TTC17: variants seen among roughly 807,000 people sequenced by gnomAD.
TTC17 encodes tetratricopeptide repeat protein 17.
Under a neutral mutation model 143.8 loss-of-function variants are expected in TTC17, and 58 were observed. The ratio of observed to expected loss-of-function variants is 0.40; its 90% CI spans 0.33 to 0.50. TTC17 has a LOEUF of 0.50. TTC17 is among the 20% of genes least tolerant of loss of function. The pLI, the probability that TTC17 is intolerant of heterozygous loss-of-function variation, is 0.49. For missense variants in TTC17, 1,273 were observed against 1,392.5 expected, an observed-to-expected ratio of 0.91 and a Z score of 1.37; for synonymous variants, 501 against 497.8, an observed-to-expected ratio of 1.01 and a Z score of -0.09.
intron 9 of TTC17, 38 bp from the exon 10 acceptor site, chr11:43,401,408 C>T: frequency 7.0e-7 from 1 of 1,425,450 alleles, no homozygotes. Flanking sequence ...CATTGTTGAC[C>T]TTGCTCATCA....
intron 2 of TTC17, among the ~76,000 whole-genome samples, 154 bp downstream of exon 2, chr11:43,379,476 G>A (rs548773833): frequency 6.6e-6 from 1 of 152,074 alleles, no homozygotes; most frequent in Non-Finnish European, 1.5e-5. Flanking sequence ...GTGTGTGTGT[G>A]TGTGTTTTTT....
At chr11:43,378,550 A>G (rs1034332682) in intron 1 of TTC17, among the ~76,000 whole-genome samples, 2 of 152,174 alleles carry the variant, frequency 1.3e-5, no homozygotes, top group Non-Finnish European at 2.9e-5. Context: ...TTGCCTACTT[A>G]TTGAACAATG....
intron 16 of TTC17, 106 bp downstream of exon 16, chr11:43,414,882 G>C: frequency 8.1e-7 from 1 of 1,238,950 alleles, no homozygotes; most frequent in South Asian, 1.4e-5. Flanking sequence ...AAGGATTTTA[G>C]ATAACCAGTA....
intron 20 of TTC17, 79 bp downstream of exon 20, chr11:43,450,320 T>C: frequency 7.0e-7 from 1 of 1,438,134 alleles, no homozygotes; most frequent in Non-Finnish European, 9.2e-7. Context: ...AAAGCCCAGG[T>C]GACCGGGCCT....
intron 10 of TTC17, among the ~76,000 whole-genome samples, chr11:43,402,520 A>T (rs1463946093): frequency 6.6e-6 from 1 of 152,130 alleles, no homozygotes; most frequent in African/African-American, 2.4e-5. Flanking sequence ...GATAGTATAT[A>T]ATAGATGTTG....
intron 2 of TTC17, among the ~76,000 whole-genome samples, chr11:43,388,493 A>G (rs1857252314): frequency 6.6e-6 from 1 of 151,844 alleles, no homozygotes; most frequent in African/African-American, 2.4e-5. Flanking sequence ...GAAGTTAGAG[A>G]TTTAGAAGAC....
Position 43,405,867 on chromosome 11 carries a change from A to C in TTC17, c.1677A>C (p.Lys559Asn). 6.2e-7 allele frequency: 1 copy of C among 1,614,034 alleles called. No homozygotes were observed. The highest frequency in any genetic ancestry group is 8.5e-7 in the Non-Finnish European group (1 of 1,179,936). ...ACTGTTCCATAACTGACTTCAGAAAAAGCCACACTCTGTCCTACTTAGTCA... is the reference window on the plus strand; with the variant it reads ...ACTGTTCCATAACTGACTTCAGAAACAGCCACACTCTGTCCTACTTAGTCA... ...TPDCSITDFR[K>N]SHTLSYLVKE... Residue 559 changes from lysine (K) to asparagine (N), a missense_variant, in exon 13 of 24, where the codon AAA becomes AAC. Coordinates refer to ENST00000039989, the MANE Select transcript of TTC17 (RefSeq NM_018259.6).
In TTC17 at chr11:43,407,213, A is replaced by G. The variant is rs752092095; in HGVS notation, c.1837A>G (p.Lys613Glu). 1 of 1,590,316 alleles carries G rather than the reference A, an allele frequency of 6.3e-7. No homozygotes were observed. The highest frequency in any genetic ancestry group is 8.6e-7 in the Non-Finnish European group (1 of 1,169,076). Residue 613 changes from lysine (K) to glutamate (E), a missense_variant and splice_region_variant, in exon 14 of 24, where the codon AAG (lysine) becomes GAG (glutamate). Physicochemically the swap from Lys to Glu is moderately conservative, Grantham distance 56 (BLOSUM62 1). Around this residue, in one of 3 missense-constraint regions of TTC17, gnomAD observed 878 missense variants for 899.8 expected, o/e 0.98. Transcript: ENST00000039989. ...IGSFLFHAIN[K>E]PNAPIWLILN... ...GTCTTTCTTATTTCATGCTATTAAT[A>G]AGGTGAGTCATTTACTTTAGACATC...
intron 1 of TTC17, among the ~76,000 whole-genome samples, chr11:43,375,071 A>G (rs1302758485): frequency 1.3e-5 from 2 of 152,206 alleles, no homozygotes. Context: ...ATACAGTTTG[A>G]TTCAGGACTC....
chr11:43,413,213 C>G (rs1278236204), intron 15 of TTC17, among the ~76,000 whole-genome samples: 4 of 152,080 alleles, frequency 2.6e-5, no homozygotes, highest in Non-Finnish European at 5.9e-5. Flanking sequence ...AAAGGGGTAC[C>G]TGTAGTTCAG....
At chr11:43,424,853 A>G (rs1359657604) in intron 16 of TTC17, among the ~76,000 whole-genome samples, 1 of 152,232 alleles carries the variant, frequency 6.6e-6, no homozygotes, top group Non-Finnish European at 1.5e-5. Context: ...GGCATTTCTC[A>G]GAAGGATAGT....
At chr11:43,412,369 T>A (rs1454435273) in intron 15 of TTC17, among the ~76,000 whole-genome samples, 1 of 152,066 alleles carries the variant, frequency 6.6e-6, no homozygotes, top group Non-Finnish European at 1.5e-5. Flanking sequence ...GCACCTGTAC[T>A]CCTAGCTACT....
intron 21 of TTC17, among the ~76,000 whole-genome samples, chr11:43,463,342 T>C (rs1490031491): frequency 6.6e-6 from 1 of 152,200 alleles, no homozygotes; most frequent in Non-Finnish European, 1.5e-5. Context: ...TGGAAATGGA[T>C]ATTGACCAAT....
chr11:43,396,824 A>G lies in TTC17; in HGVS notation c.773+6A>G. On this transcript the variant is annotated splice_donor_region_variant and intron_variant, in intron 6 of 23. Transcript: ENST00000039989. ...GCACTTCACTTCTCTTCCAGGTAAGATTCCTCCTCTTCTGGACCTGATTTT... is the reference window on the plus strand; with the variant it reads ...GCACTTCACTTCTCTTCCAGGTAAGGTTCCTCCTCTTCTGGACCTGATTTT... The G allele has an allele frequency of 6.4e-7, 1 of 1,568,996 alleles. No homozygotes were observed.
intron 3 of TTC17, among the ~76,000 whole-genome samples, chr11:43,391,260 G>A (rs1466870862): frequency 6.6e-6 from 1 of 152,132 alleles, no homozygotes; most frequent in Non-Finnish European, 1.5e-5. Context: ...TTAACTGATT[G>A]TGGTGGTGCA....
chr11:43,424,901 G>A (rs936741420), intron 16 of TTC17, among the ~76,000 whole-genome samples: 17 of 152,140 alleles, frequency 1.1e-4, no homozygotes, highest in African/African-American at 3.9e-4. Flanking sequence ...GTTTTATATA[G>A]TTCCCCCTAG....
chr11:43,493,931 T>TTA lies in TTC17; in HGVS notation c.*28_*29dup, dbSNP rs778995783. The TTA allele has an allele frequency of 6.5e-7, 1 of 1,545,302 alleles. No homozygotes were observed. The highest frequency in any genetic ancestry group is 1.2e-5 in the South Asian group (1 of 80,674). ...GCACTTCTTCCTTCTCTCTTTCTCT[T>TTA]TACTCATGCTCTAAAAAAAAAGAAT... On this transcript the variant is annotated 3_prime_UTR_variant, in exon 24 of 24. Coordinates refer to ENST00000039989, the MANE Select transcript of TTC17 (RefSeq NM_018259.6).
In TTC17 at chr11:43,391,560, C is replaced by T; in HGVS notation, c.515C>T (p.Ala172Val). 6.4e-7 allele frequency: 1 copy of T among 1,573,362 alleles called. No homozygotes were observed. Among genetic ancestry groups the T allele is most frequent in the Non-Finnish European group, 8.6e-7 (1 of 1,167,266 alleles). ...KILELPYSIH[A>V]FQHLRGVQER... ...CTAGAACTTCCATATAGTATACATGCTTTTCAGCACTTGAGAGTAAGTAGA... is the reference window on the plus strand; with the variant it reads ...CTAGAACTTCCATATAGTATACATGTTTTTCAGCACTTGAGAGTAAGTAGA... Residue 172 changes from alanine to valine, a missense_variant, in exon 4 of 24, where the codon GCT becomes GTT. Physicochemically the swap from Ala to Val is moderately conservative, Grantham distance 64. Coordinates refer to ENST00000039989, the MANE Select transcript of TTC17 (RefSeq NM_018259.6).
intron 23 of TTC17, among the ~76,000 whole-genome samples, chr11:43,493,548 G>A (rs943802868): frequency 2.6e-5 from 4 of 152,078 alleles, no homozygotes; most frequent in African/African-American, 7.2e-5. Flanking sequence ...GGGCTCTGCC[G>A]TAGTTTCCTT....
Sources: allele counts gnomAD v4.1 joint callset (sites outside exome capture counted in the v4.1 genomes callset), GRCh38; gene constraint gnomAD v4.1.1; regional missense constraint gnomAD v4.1.1; transcripts MANE v1.5; gene names NCBI Gene and HGNC (gene_info 2026-07-23, HGNC 2026-07-21).